Variants in RBFOX1 observed in about 807,000 individuals in gnomAD.
RBFOX1 encodes the protein RNA binding protein fox-1 homolog 1.
RBFOX1 carries 8 observed loss-of-function variants against 57.7 expected under a neutral mutation model. The ratio of observed to expected loss-of-function variants is 0.14; its 90% CI spans 0.08 to 0.25. The LOEUF (loss-of-function observed/expected upper bound fraction) is 0.25. RBFOX1 is among the 10% of genes least tolerant of loss of function. The pLI is 1.00. For synonymous variants in RBFOX1, 326 were observed against 222.4 expected (o/e 1.47, Z -4.15); for missense variants, 611 against 548.5 (o/e 1.11, Z -1.14).
chr16:7,054,218 G>GT (rs1005206606), intron 4 of RBFOX1, among the ~76,000 whole-genome samples: 1 of 104,938 alleles, frequency 9.5e-6, no homozygotes, highest in Non-Finnish European at 1.9e-5. Context: ...TTTTTCGGGG[G>GT]GGGGGGGCGG....
chr16:7,469,183 C>G (rs577835348), intron 4 of RBFOX1, among the ~76,000 whole-genome samples: 3 of 152,120 alleles, frequency 2.0e-5, no homozygotes, highest in South Asian at 2.1e-4. Flanking sequence ...ATCTACCCGA[C>G]TTGGCCTCCC....
At chr16:6,214,910 G>C in intron 1 of RBFOX1, among the ~76,000 whole-genome samples, 1 of 132,214 alleles carries the variant, frequency 7.6e-6, no homozygotes, top group African/African-American at 2.9e-5. Flanking sequence ...GGGAGAGAAG[G>C]AGAGGGGGAG....
At chr16:6,198,462 A>C (rs967838678) in intron 1 of RBFOX1, among the ~76,000 whole-genome samples, 1 of 152,172 alleles carries the variant, frequency 6.6e-6, no homozygotes. Context: ...GACTCTTTTT[A>C]AGATGTTAAA....
chr16:7,026,607 G>A (rs1177471380), intron 3 of RBFOX1, among the ~76,000 whole-genome samples: 2 of 152,090 alleles, frequency 1.3e-5, no homozygotes, highest in Non-Finnish European at 2.9e-5. Context: ...GCACAGAGGT[G>A]CAGGGAAGGA....
At chr16:5,392,330 T>G (rs957258883) in intron 1 of RBFOX1, among the ~76,000 whole-genome samples, 2 of 152,088 alleles carry the variant, frequency 1.3e-5, no homozygotes, top group Non-Finnish European at 2.9e-5. Flanking sequence ...TCACATCATA[T>G]TAGGACTCAG....
chr16:6,487,828 C>T (rs913073587), intron 2 of RBFOX1, among the ~76,000 whole-genome samples: 1 of 145,776 alleles, frequency 6.9e-6, no homozygotes, highest in Non-Finnish European at 1.5e-5. Flanking sequence ...ATTCTAGATT[C>T]ATGTTTATCT....
rs539731715 is a variant in RBFOX1, at chr16:5,306,963, A to G, written c.219+66858A>G. ...GGGTGAGGCTTATTTCACCTTCCCC[A>G]TGGCAGGCATCTCAGCAAAACTTTG... On this transcript the variant is annotated intron_variant, in intron 1 of 2. Coordinates refer to the RBFOX1 transcript ENST00000585867. 3.3e-5 allele frequency among the ~76,000 whole-genome samples: 5 copies of G among 152,172 alleles called. No homozygotes were observed. In the South Asian group the frequency reaches 1.0e-3, roughly 32 times the overall value.
intron 3 of RBFOX1, among the ~76,000 whole-genome samples, chr16:6,810,667 G>A (rs1372252844): frequency 1.3e-5 from 2 of 152,066 alleles, no homozygotes; most frequent in South Asian, 4.2e-4. Context: ...AGTTCCACAT[G>A]GCTGGGAAGT....
intron 3 of RBFOX1, among the ~76,000 whole-genome samples, chr16:5,773,784 A>G (rs979238566): frequency 6.7e-6 from 1 of 150,354 alleles, no homozygotes; most frequent in African/African-American, 2.5e-5. Context: ...TGCAACCTCC[A>G]TCTTCCAGGT....
chr16:6,567,387 C>T (rs879614529), intron 2 of RBFOX1, among the ~76,000 whole-genome samples: 1 of 152,122 alleles, frequency 6.6e-6, no homozygotes, highest in Non-Finnish European at 1.5e-5. Context: ...AGCTCAGGTT[C>T]GTTTGGTCTT....
intron 3 of RBFOX1, among the ~76,000 whole-genome samples, chr16:6,912,761 G>A (rs908671766): frequency 6.6e-6 from 1 of 151,778 alleles, no homozygotes; most frequent in African/African-American, 2.4e-5. Flanking sequence ...GGGACTATAG[G>A]CACATGCCAC....
At chr16:6,451,600 C>T (rs2094625274) in intron 2 of RBFOX1, among the ~76,000 whole-genome samples, 1 of 152,186 alleles carries the variant, frequency 6.6e-6, no homozygotes, top group South Asian at 2.1e-4. Flanking sequence ...TAATTCACCA[C>T]TCTCTAACTT....
chr16:6,660,040 C>A (rs372893448), intron 3 of RBFOX1, among the ~76,000 whole-genome samples: 1 of 151,862 alleles, frequency 6.6e-6, no homozygotes, highest in East Asian at 1.9e-4. Flanking sequence ...CCATGGCCAA[C>A]ATAGTGAAAC....
chr16:5,314,575 A>C (rs1291313917), intron 1 of RBFOX1, among the ~76,000 whole-genome samples: 1 of 152,196 alleles, frequency 6.6e-6, no homozygotes, highest in African/African-American at 2.4e-5. Flanking sequence ...ATCACAGCTC[A>C]CTGCGGCCTT....
intron 1 of RBFOX1, among the ~76,000 whole-genome samples, chr16:5,434,471 A>G (rs1012062549): frequency 2.6e-5 from 4 of 151,552 alleles, no homozygotes; most frequent in East Asian, 1.9e-4. Flanking sequence ...ACAGGCATGC[A>G]CCACCATGCC....
chr16:7,518,014 C>A, intron 4 of RBFOX1, 133 bp from the exon 5 acceptor site: 1 of 1,124,802 alleles, frequency 8.9e-7, no homozygotes, highest in Non-Finnish European at 1.3e-6. Flanking sequence ...ATTGGTCCAT[C>A]TCAGGCTGGT....
chr16:5,363,679 C>T (rs2065618812), intron 1 of RBFOX1, among the ~76,000 whole-genome samples: 1 of 152,160 alleles, frequency 6.6e-6, no homozygotes, highest in Non-Finnish European at 1.5e-5. Flanking sequence ...TTGGAAATTG[C>T]TTGTGAAATT....
chr16:7,281,786 C>A (rs1416319026), intron 4 of RBFOX1, among the ~76,000 whole-genome samples: 1 of 152,278 alleles, frequency 6.6e-6, no homozygotes, highest in African/African-American at 2.4e-5. Context: ...ACAATCTTGA[C>A]TTCCTCTCTG....
chr16:7,552,073 T>G (rs1348378345), intron 5 of RBFOX1, among the ~76,000 whole-genome samples: 2 of 152,366 alleles, frequency 1.3e-5, no homozygotes, highest in African/African-American at 4.8e-5. Context: ...ATTTTCATTG[T>G]CACGTGTGTC....
Sources: allele counts gnomAD v4.1 joint callset (sites outside exome capture counted in the v4.1 genomes callset), GRCh38; gene constraint gnomAD v4.1.1; transcripts MANE v1.5; gene names NCBI Gene and HGNC (gene_info 2026-07-23, HGNC 2026-07-21).